Variants in NBPF9 observed in about 807,000 individuals in gnomAD.
NBPF9 encodes the protein NBPF member 9.
Under a neutral mutation model 97.8 loss-of-function variants are expected in NBPF9, and 91 were observed. That is an observed-to-expected ratio of 0.93 (90% CI 0.79 to 1.11). The LOEUF is 1.11. NBPF9 is among the 50% of genes least tolerant of loss of function. The probability of loss-of-function intolerance (pLI) is 0.00; values close to 1 mark genes in which losing one functional copy is unlikely to be tolerated. For missense variants in NBPF9, 992 were observed against 939.5 expected, an observed-to-expected ratio of 1.06 and a Z score of -0.73; for synonymous variants, 334 against 359.5, an observed-to-expected ratio of 0.93 and a Z score of 0.80.
intron 12 of NBPF9, among the ~76,000 whole-genome samples, chr1:149,074,843 G>A (rs2079718612): frequency 6.6e-6 from 1 of 150,696 alleles, no homozygotes; most frequent in South Asian, 2.1e-4. Flanking sequence ...TACCAGTCTT[G>A]CCCTGTCGCC....
At chr1:149,084,829 G>C (rs2080857258) in intron 5 of NBPF9, among the ~76,000 whole-genome samples, 1 of 149,682 alleles carries the variant, frequency 6.7e-6, no homozygotes, top group East Asian at 2.4e-4. Context: ...TGGACTCACT[G>C]CTGCAGGATG....
At chr1:149,063,833 A>G (rs2078815962) in intron 19 of NBPF9, 28 bp from the exon 20 acceptor site, 1 of 670,826 alleles carries the variant, frequency 1.5e-6, no homozygotes, top group African/African-American at 1.8e-5. Flanking sequence ...AGTAAAGAAT[A>G]AGCCAGGGGG....
In NBPF9 at chr1:149,070,985, TGA is replaced by T. The variant is rs1274304719; in HGVS notation, c.1532_1533del (p.Leu511HisfsTer8). 1 of 1,612,346 alleles carries T rather than the reference TGA, an allele frequency of 6.2e-7. No homozygotes were observed. The highest frequency in any genetic ancestry group is 1.3e-5 in the African/African-American group (1 of 74,844). On this transcript the variant is annotated frameshift_variant, in exon 16 of 30. Transcript: ENST00000584027. LOFTEE classifies it high-confidence loss of function. ...CGTTCAACATGAGAGGATGAGCCAA[TGA>T]GAGTTGAGTCGACTTTGTCTTCCTC...
rs1254936402 is a variant in NBPF9 at position 149,062,180 on chromosome 1, G to C, written c.2164C>G (p.Leu722Val). 7 of 923,762 alleles carry C rather than the reference G, an allele frequency of 7.6e-6. No homozygotes were observed. The African/African-American group carries it at 8.3e-5, about 11-fold the overall frequency. The allele number at this position is 923,762 out of a possible 1,614,324, so 57.2% of individuals were successfully genotyped here. A position where few individuals can be genotyped will look rare whatever the true frequency, so the allele number is the denominator to read the frequency against. Residue 722 changes from leucine to valine, a missense_variant, in exon 22 of 30, where the codon CTT becomes GTT. Physicochemically the swap from Leu to Val is conservative, Grantham distance 32 (BLOSUM62 1). Around this residue, in one of 11 missense-constraint regions of NBPF9, gnomAD observed 397 missense variants for 213.6 expected, o/e 1.86. Transcript: ENST00000584027. Reference sequence around the variant, plus strand: ...GGCTGGCCTAAGTCAGGCAGTTCAAGATAACCTGAAGGAGTCGAATACCAT... The same window carrying C: ...GGCTGGCCTAAGTCAGGCAGTTCAACATAACCTGAAGGAGTCGAATACCAT...
At chr1:149,085,489 C>T (rs2080917124) in intron 5 of NBPF9, among the ~76,000 whole-genome samples, 1 of 152,108 alleles carries the variant, frequency 6.6e-6, no homozygotes, top group South Asian at 2.1e-4. Flanking sequence ...TTTCAAATTT[C>T]TCTAAAATCT....
Position 149,073,468 on chromosome 1 carries a change from G to C in NBPF9, c.1091+300C>G, listed in dbSNP as rs587601596. On this transcript the variant is annotated intron_variant, in intron 13 of 29. Coordinates refer to ENST00000584027, the Ensembl canonical transcript of NBPF9. ...TGGGGTGGTGATGGCACACCATTTT[G>C]AGTATACTGAATGCTGCTGTGTGGT... is the stretch of plus-strand genomic sequence containing the variant. Among the ~76,000 whole-genome samples the C allele has an allele frequency of 1.8e-4, 26 of 143,838 alleles. No homozygotes were observed. In the East Asian group the frequency reaches 6.3e-3, roughly 35 times the overall value. The allele number at this position is 143,838 out of a possible 152,430, so 94.4% of individuals were successfully genotyped here.
intron 5 of NBPF9, among the ~76,000 whole-genome samples, chr1:149,085,238 TAA>T (rs1209117915): frequency 6.7e-6 from 1 of 149,676 alleles, no homozygotes; most frequent in East Asian, 2.3e-4. Flanking sequence ...TTTTTATGAA[TAA>T]AAAAGATTCT....
At position 149,060,350 on chromosome 1, in the gene NBPF9, C is replaced by T. The variant is rs1462450217; in HGVS notation, c.2476+173G>A. ...AAGAGAGTCTTGCCCACTGACCCAT[C>T]CCTCATCTGGGCTTCCAGGTAGAAC... On this transcript the variant is annotated intron_variant, in intron 24 of 29. Transcript: ENST00000584027. 6.3e-6 allele frequency: 3 copies of T among 476,078 alleles called. No homozygotes were observed. In the African/African-American group the frequency reaches 7.4e-5, roughly 12 times the overall value. The allele number at this position is 476,078 out of a possible 1,614,324, so 29.5% of individuals were successfully genotyped here.
chr1:149,060,075 AT>A, intron 24 of NBPF9: 4 of 303,362 alleles, frequency 1.3e-5, no homozygotes, highest in East Asian at 4.2e-5. Flanking sequence ...GTTATGCCAT[AT>A]TTTTCCAATC....
chr1:149,072,778 G>C (rs781878847), exon 14 of NBPF9: 2 of 1,583,434 alleles, frequency 1.3e-6, no homozygotes, highest in African/African-American at 2.7e-5. Context: ...AGCTGTTCTT[G>C]GAGGTCCTGC....
chr1:149,072,668 C>A (rs587747838), intron 14 of NBPF9, 50 bp downstream of exon 14: 12 of 1,582,690 alleles, frequency 7.6e-6, no homozygotes, highest in East Asian at 4.5e-5. Context: ...AGGTCTGGAG[C>A]CTCTCATAAG....
chr1:149,070,918 G>A lies in NBPF9; in HGVS notation c.1585+16C>T, dbSNP rs2079354584. 8.1e-6 allele frequency: 13 copies of A among 1,611,900 alleles called. 1 individual carries two copies. In the East Asian group the frequency reaches 2.7e-4, roughly 33 times the overall value. ...GCCTAGAGAGAGGTATGAGACACAA[G>A]GAAAACAGAGGCTACCTGGAATAAT... On this transcript the variant is annotated intron_variant, in intron 16 of 29. Coordinates refer to ENST00000584027, the Ensembl canonical transcript of NBPF9.
At chr1:149,067,287 A>C (rs1553651946) in intron 17 of NBPF9, among the ~76,000 whole-genome samples, 1 of 116,110 alleles carries the variant, frequency 8.6e-6, no homozygotes, top group Non-Finnish European at 1.8e-5. Flanking sequence ...TTCCTTTATT[A>C]TTTTTTGTGT....
Position 149,072,701 on chromosome 1 carries a change from G to C in NBPF9, c.1306+17C>G, listed in dbSNP as rs781828745. 1 of 1,611,522 alleles carries C rather than the reference G, an allele frequency of 6.2e-7. No homozygotes were observed. Among genetic ancestry groups the C allele is most frequent in the African/African-American group, 1.3e-5 (1 of 74,832 alleles). ...AAGCCTGGGGTTTTGGGTCAACAGGGCCTATGGCCACCTTACCTGGGCTGA... is the reference window on the plus strand; with the variant it reads ...AAGCCTGGGGTTTTGGGTCAACAGGCCCTATGGCCACCTTACCTGGGCTGA... On this transcript the variant is annotated intron_variant, in intron 14 of 29. Coordinates refer to ENST00000584027, the Ensembl canonical transcript of NBPF9.
intron 13 of NBPF9, 88 bp from the exon 14 acceptor site, chr1:149,073,020 C>T (rs1238039640): frequency 2.1e-6 from 3 of 1,447,746 alleles, no homozygotes; most frequent in African/African-American, 1.4e-5. Flanking sequence ...GAAACAGTGT[C>T]CTCAAGGAGA....
Position 149,080,039 on chromosome 1 carries a change from C to G in NBPF9, c.278+14G>C. On this transcript the variant is annotated intron_variant, in intron 8 of 29. Transcript: ENST00000584027. ...ACACCTACCCGCCTGCCTCCCCCCA[C>G]GGGGTCCCCTCACCTGAGCTCCTCA... The G allele has an allele frequency of 6.3e-7, 1 of 1,577,658 alleles. No individual in the cohort carries two copies. The highest frequency in any genetic ancestry group is 1.1e-5 in the South Asian group (1 of 90,450).
intron 5 of NBPF9, among the ~76,000 whole-genome samples, chr1:149,084,274 A>G (rs1289150384): frequency 2.7e-5 from 4 of 146,986 alleles, no homozygotes; most frequent in African/African-American, 7.5e-5. Flanking sequence ...ACGTGTATAT[A>G]TATTATATAT....
At chr1:149,085,448 CTTT>C (rs1204486660) in intron 5 of NBPF9, among the ~76,000 whole-genome samples, 2 of 152,098 alleles carry the variant, frequency 1.3e-5, no homozygotes, top group African/African-American at 4.8e-5. Flanking sequence ...ATTCTAGGTT[CTTT>C]GATTTTCAAA....
At chr1:149,076,235 T>A (rs587731648) in intron 11 of NBPF9, among the ~76,000 whole-genome samples, 1 of 151,552 alleles carries the variant, frequency 6.6e-6, no homozygotes, top group East Asian at 1.9e-4. Context: ...TCTCACTCTG[T>A]CACGCAGGCT....
Sources: allele counts gnomAD v4.1 joint callset (sites outside exome capture counted in the v4.1 genomes callset), GRCh38; gene constraint gnomAD v4.1.1; regional missense constraint gnomAD v4.1.1; transcripts MANE v1.5; gene names NCBI Gene and HGNC (gene_info 2026-07-23, HGNC 2026-07-21).